Variants in SETD2 observed in about 807,000 individuals in gnomAD.
SETD2 encodes the protein histone-lysine N-methyltransferase SETD2.
Under a neutral mutation model 242.1 loss-of-function variants are expected in SETD2, and 31 were observed. The ratio of observed to expected loss-of-function variants is 0.13; its 90% CI spans 0.10 to 0.17. The LOEUF is 0.17. Ranked by LOEUF, SETD2 falls within the 10% of genes least tolerant of loss-of-function variation. SETD2 has a pLI of 1.00. For missense variants in SETD2, 2,481 were observed against 3,046.3 expected, an observed-to-expected ratio of 0.81 and a Z score of 4.37; for synonymous variants, 1,006 against 1,066.5, an observed-to-expected ratio of 0.94 and a Z score of 1.11.
intron 1 of SETD2, among the ~76,000 whole-genome samples, chr3:47,156,579 A>G (rs1474423485): frequency 1.3e-5 from 2 of 152,182 alleles, no homozygotes; most frequent in African/African-American, 4.8e-5. Flanking sequence ...CCTAAGCACT[A>G]GGATAGTTCA....
chr3:47,064,344 T>G (rs1000059938), intron 13 of SETD2, among the ~76,000 whole-genome samples: 23 of 152,152 alleles, frequency 1.5e-4, no homozygotes, highest in African/African-American at 5.6e-4. Context: ...CACATCCGGG[T>G]AGAAAATGCA....
chr3:47,164,032 CGG>C lies in SETD2; in HGVS notation c.-110_-109del, dbSNP rs1697594189. On this transcript the variant is annotated 5_prime_UTR_variant, in exon 1 of 21. Coordinates refer to ENST00000409792, the MANE Select transcript of SETD2 (RefSeq NM_014159.7). This position sits in a 1 kb window ranked among gnomAD's most constrained non-coding sequence, Gnocchi z 5.4. Reference sequence around the variant, plus strand: ...CCGACCGCGGCGGCGGCGGCGGCGGCGGCGGCGGCGGCAGGGGCGGCCCGCGT... The same window carrying C: ...CCGACCGCGGCGGCGGCGGCGGCGGCCGGCGGCGGCAGGGGCGGCCCGCGT... The C allele has an allele frequency of 2.5e-6, 3 of 1,222,318 alleles. No individual in the cohort carries two copies. Among genetic ancestry groups the C allele is most frequent in the Non-Finnish European group, 3.1e-6 (3 of 976,842 alleles). The allele number at this position is 1,222,318 out of a possible 1,614,324, so 75.7% of individuals were successfully genotyped here.
chr3:47,133,337 A>G (rs1248563415), intron 1 of SETD2, among the ~76,000 whole-genome samples: 2 of 152,212 alleles, frequency 1.3e-5, no homozygotes, highest in African/African-American at 4.8e-5. Flanking sequence ...TACAGGCATG[A>G]GCAACTGTAC....
chr3:47,162,978 T>C (rs1358300649), intron 1 of SETD2, among the ~76,000 whole-genome samples: 1 of 152,224 alleles, frequency 6.6e-6, no homozygotes, highest in Non-Finnish European at 1.5e-5. Flanking sequence ...TTGTCTTCTT[T>C]AGAGAATCCT....
chr3:47,129,219 GATAAA>G (rs2043421800), intron 1 of SETD2, among the ~76,000 whole-genome samples: 1 of 152,152 alleles, frequency 6.6e-6, no homozygotes, highest in Admixed American at 6.6e-5. Context: ...CCCAGAACTT[GATAAA>G]ATAAAATGTT....
chr3:47,089,617 A>G (rs888714141), intron 9 of SETD2, among the ~76,000 whole-genome samples: 1 of 152,218 alleles, frequency 6.6e-6, no homozygotes, highest in African/African-American at 2.4e-5. Flanking sequence ...GAATCAACCT[A>G]CCAAAGGTTA....
chr3:47,028,464 A>G (rs976193364), intron 18 of SETD2, among the ~76,000 whole-genome samples: 7 of 152,212 alleles, frequency 4.6e-5, no homozygotes, highest in Non-Finnish European at 8.8e-5. Flanking sequence ...GAGATCCCAG[A>G]CAGGTGATGC....
At position 47,068,476 on chromosome 3, in the gene SETD2, C is replaced by A. The variant is rs1294442921; in HGVS notation, c.6061-1358G>T. Among the ~76,000 whole-genome samples the A allele has an allele frequency of 6.7e-5, 10 of 148,892 alleles. No individual in the cohort carries two copies. The Admixed American group carries it at 6.8e-4, about 10-fold the overall frequency. On this transcript the variant is annotated intron_variant, in intron 12 of 20. Transcript: ENST00000409792. Reference sequence around the variant, plus strand: ...ACTGTGTGCCAGATATCATGCTGAACATTTCAAATACACTATCTTTTTTTT... The same window carrying A: ...ACTGTGTGCCAGATATCATGCTGAAAATTTCAAATACACTATCTTTTTTTT...
chr3:47,159,663 G>A (rs1317495197), intron 1 of SETD2, among the ~76,000 whole-genome samples: 4 of 152,160 alleles, frequency 2.6e-5, no homozygotes, highest in Admixed American at 2.0e-4. Flanking sequence ...TTCTTAGAAT[G>A]GCTTTACAAG....
rs768072239 is a variant in SETD2 at position 47,123,113 on chromosome 3, C to A, written c.1523G>T (p.Gly508Val). Residue 508 changes from glycine to valine, a missense_variant, in exon 3 of 21, where the codon GGC (glycine) becomes GTC (valine). Physicochemically the swap from Gly to Val is moderately radical, Grantham distance 109. Around this residue, in one of 17 missense-constraint regions of SETD2, gnomAD observed 1,300 missense variants for 1,259.2 expected, o/e 1.03. Transcript: ENST00000409792. ...ETSYLEMERR[G>V]KYSSKLERES... ...TCTTTCTAGTTTTGAAGAATACTTG[C>A]CTCTTCTTTCCATCTCTAAGTAAGA... is the stretch of plus-strand genomic sequence containing the variant. 34 of 1,612,640 alleles carry A rather than the reference C, an allele frequency of 2.1e-5. No individual in the cohort carries two copies. The highest frequency in any genetic ancestry group is 2.8e-5 in the Non-Finnish European group (33 of 1,178,898).
intron 17 of SETD2, among the ~76,000 whole-genome samples, chr3:47,040,810 C>A (rs184759797): frequency 6.6e-6 from 1 of 151,872 alleles, no homozygotes; most frequent in African/African-American, 2.4e-5. Flanking sequence ...TGGCCTCAAG[C>A]GATCCTCCTG....
chr3:47,051,802 A>T (rs1418314501), intron 15 of SETD2, among the ~76,000 whole-genome samples: 1 of 152,194 alleles, frequency 6.6e-6, no homozygotes, highest in African/African-American at 2.4e-5. Context: ...CCAAATGTAC[A>T]ATAGAAAACT....
intron 18 of SETD2, 39 bp downstream of exon 18, chr3:47,037,627 C>T: frequency 6.6e-7 from 1 of 1,515,896 alleles, no homozygotes; most frequent in Middle Eastern, 1.7e-4. Context: ...TGGACGGACT[C>T]CCAAATGATC....
intron 1 of SETD2, among the ~76,000 whole-genome samples, chr3:47,136,372 G>A (rs2043589438): frequency 6.6e-6 from 1 of 151,992 alleles, no homozygotes; most frequent in Admixed American, 6.6e-5. Flanking sequence ...CCTTTCACCT[G>A]CTTGTTCCTT....
chr3:47,104,515 G>A (rs184737237), intron 6 of SETD2, among the ~76,000 whole-genome samples: 37 of 152,102 alleles, frequency 2.4e-4, no homozygotes, highest in Admixed American at 1.9e-3. Flanking sequence ...ACCCCAGGCT[G>A]GGCAACAGAG....
At chr3:47,093,826 G>A (rs746143839) in intron 9 of SETD2, among the ~76,000 whole-genome samples, 60 of 152,110 alleles carry the variant, frequency 3.9e-4, no homozygotes, top group Non-Finnish European at 7.6e-4. Flanking sequence ...ATGTACCATG[G>A]AACTTAATTT....
intron 1 of SETD2, among the ~76,000 whole-genome samples, chr3:47,149,336 C>T (rs1021481771): frequency 3.7e-4 from 57 of 152,018 alleles, no homozygotes; most frequent in African/African-American, 1.1e-3. Context: ...GCACTAGCTC[C>T]CCTTGCCCTT....
chr3:47,097,674 A>G (rs1467368307), intron 9 of SETD2, among the ~76,000 whole-genome samples: 1 of 152,250 alleles, frequency 6.6e-6, no homozygotes, highest in Non-Finnish European at 1.5e-5. Flanking sequence ...GTGAGCTATC[A>G]GGGAGAAAAG....
chr3:47,057,172 A>T lies in SETD2; in HGVS notation c.6612T>A (p.Asp2204Glu), dbSNP rs528430487. ...AATGTCCCACCAAGGGCTGAGCATG[A>T]TCATAAGGAGCAGGAGAACACACTG... ...MDPVCSPAPY[D>E]HAQPLVGHST... The change falls in exon 15 of 21, where the codon GAT (aspartate) becomes GAA (glutamate). Residue 2204 changes from aspartate to glutamate, a missense_variant. This residue lies in a region of SETD2 where 235 missense variants were observed against 293.9 expected (regional missense o/e 0.80). Coordinates refer to ENST00000409792, the MANE Select transcript of SETD2 (RefSeq NM_014159.7). The T allele has an allele frequency of 1.4e-5, 23 of 1,614,156 alleles. No individual in the cohort carries two copies. The South Asian group carries it at 2.5e-4, about 18-fold the overall frequency.
Sources: gnomAD v4.1 joint callset for allele counts (sites outside exome capture counted in the v4.1 genomes callset) on GRCh38, gnomAD v4.1.1 for gene constraint, gnomAD v4.1.1 regional missense constraint, Gnocchi (gnomAD v3.1) non-coding constraint, MANE v1.5 for transcripts, NCBI Gene and HGNC (gene_info 2026-07-23, HGNC 2026-07-21) for gene names.